Variants in CHMP4C observed in about 807,000 individuals in gnomAD.
CHMP4C encodes the protein SNF7 homolog associated with Alix 3.
CHMP4C carries 28 observed loss-of-function variants against 29.0 expected under a neutral mutation model. The observed-to-expected ratio is 0.97, with a 90% CI of 0.72 to 1.32. CHMP4C has a LOEUF of 1.32. CHMP4C is among the 40% of genes most tolerant of loss of function. The pLI, the probability that CHMP4C is intolerant of heterozygous loss-of-function variation, is 0.00. For synonymous variants in CHMP4C, 106 were observed against 102.4 expected (o/e 1.04, Z -0.21); for missense variants, 291 against 281.0 (o/e 1.04, Z -0.25).
At chr8:81,751,374 A>G (rs1011652555) in intron 1 of CHMP4C, among the ~76,000 whole-genome samples, 8 of 152,110 alleles carry the variant, frequency 5.3e-5, no homozygotes, top group Admixed American at 1.3e-4. Flanking sequence ...TGGAAAGTAT[A>G]ATAAAAAAAC....
In CHMP4C at chr8:81,754,834, T is replaced by A. The variant is rs75779818; in HGVS notation, c.369-536T>A. 2.8e-4 allele frequency among the ~76,000 whole-genome samples: 43 copies of A among 152,288 alleles called. No individual in the cohort carries two copies. In the East Asian group the frequency reaches 8.3e-3, roughly 29 times the overall value. On this transcript the variant is annotated intron_variant, in intron 2 of 4. Coordinates refer to ENST00000297265, the MANE Select transcript of CHMP4C (RefSeq NM_152284.4). ...CTGTATAGGTTTAATCCTGCTCTCTTTAGTAACCTCTCAGGGCATCACCGC... is the reference window on the plus strand; with the variant it reads ...CTGTATAGGTTTAATCCTGCTCTCTATAGTAACCTCTCAGGGCATCACCGC...
At chr8:81,748,086 T>C (rs955488049) in intron 1 of CHMP4C, among the ~76,000 whole-genome samples, 3 of 152,156 alleles carry the variant, frequency 2.0e-5, no homozygotes, top group Non-Finnish European at 4.4e-5. Context: ...TTCTCAGGGA[T>C]ATTCCATGCT....
chr8:81,736,052 C>G (rs1173267199), intron 1 of CHMP4C, among the ~76,000 whole-genome samples: 1 of 151,296 alleles, frequency 6.6e-6, no homozygotes, highest in Non-Finnish European at 1.5e-5. Flanking sequence ...CGCCATTGCA[C>G]TCCAGCCTGA....
intron 1 of CHMP4C, among the ~76,000 whole-genome samples, chr8:81,742,484 A>G (rs1049396874): frequency 4.6e-5 from 7 of 152,248 alleles, no homozygotes; most frequent in Admixed American, 1.3e-4. Context: ...ATGGAAATTT[A>G]GAGGAGTAAA....
At chr8:81,741,113 A>G (rs1253665169) in intron 1 of CHMP4C, among the ~76,000 whole-genome samples, 1 of 152,178 alleles carries the variant, frequency 6.6e-6, no homozygotes, top group Non-Finnish European at 1.5e-5. Context: ...GATTGTAGCA[A>G]CTTCTAGAAG....
chr8:81,732,842 G>A (rs1808636531), intron 1 of CHMP4C, 26 bp downstream of exon 1: 2 of 1,598,542 alleles, frequency 1.3e-6, no homozygotes, highest in Non-Finnish European at 1.7e-6. Flanking sequence ...GCCCACAGGC[G>A]GGAGCCCATC....
intron 1 of CHMP4C, among the ~76,000 whole-genome samples, chr8:81,752,451 C>A (rs139438527): frequency 6.6e-6 from 1 of 152,170 alleles, no homozygotes; most frequent in Non-Finnish European, 1.5e-5. Flanking sequence ...GCTCTTTTCT[C>A]TCACCATTGT....
chr8:81,746,424 G>C (rs1808823667), intron 1 of CHMP4C, among the ~76,000 whole-genome samples: 1 of 152,186 alleles, frequency 6.6e-6, no homozygotes, highest in African/African-American at 2.4e-5. Context: ...CAGATCACTG[G>C]GGTCTCCAGT....
At chr8:81,734,408 G>A (rs911184581) in intron 1 of CHMP4C, among the ~76,000 whole-genome samples, 7 of 152,164 alleles carry the variant, frequency 4.6e-5, no homozygotes, top group Non-Finnish European at 1.0e-4. Context: ...TTGGCTCACC[G>A]CAACCTCTGC....
At chr8:81,750,765 C>T (rs1808891408) in intron 1 of CHMP4C, among the ~76,000 whole-genome samples, 1 of 151,688 alleles carries the variant, frequency 6.6e-6, no homozygotes, top group Admixed American at 6.6e-5. Context: ...GACAGAAATA[C>T]AGAGGAGAAA....
At position 81,755,408 on chromosome 8, in the gene CHMP4C, C is replaced by A. The variant is rs1554593525; in HGVS notation, c.407C>A (p.Thr136Lys). The A allele has an allele frequency of 3.1e-6, 5 of 1,611,456 alleles. No homozygotes were observed. Among genetic ancestry groups the A allele is most frequent in the Non-Finnish European group, 4.2e-6 (5 of 1,178,220 alleles). Residue 136 changes from threonine (T) to lysine (K), a missense_variant, in exon 3 of 5, where the codon ACA becomes AAA. Physicochemically the swap from Thr to Lys is moderately conservative, Grantham distance 78 (BLOSUM62 -1). Coordinates refer to ENST00000297265, the MANE Select transcript of CHMP4C (RefSeq NM_152284.4). Reference sequence around the variant, plus strand: ...ATAGATGATTTGATGCAAGAGATCACAGAGCAACAGGATATCGCCCAAGAA... The same window carrying A: ...ATAGATGATTTGATGCAAGAGATCAAAGAGCAACAGGATATCGCCCAAGAA... Reference protein sequence around the residue: ...NKIDDLMQEITEQQDIAQEIS... With the variant: ...NKIDDLMQEIKEQQDIAQEIS...
chr8:81,755,912 A>G (rs1808966776), intron 3 of CHMP4C, among the ~76,000 whole-genome samples: 1 of 152,160 alleles, frequency 6.6e-6, no homozygotes, highest in African/African-American at 2.4e-5. Context: ...AAACCAAATA[A>G]ATGTGGAGTG....
At chr8:81,739,440 A>T (rs1006599892) in intron 1 of CHMP4C, among the ~76,000 whole-genome samples, 1 of 150,850 alleles carries the variant, frequency 6.6e-6, no homozygotes, top group Non-Finnish European at 1.5e-5. Context: ...GAAAAAAAAA[A>T]AGTCTTATCC....
At chr8:81,734,433 C>T (rs759365122) in intron 1 of CHMP4C, among the ~76,000 whole-genome samples, 12 of 152,180 alleles carry the variant, frequency 7.9e-5, no homozygotes, top group African/African-American at 2.2e-4. Flanking sequence ...CAGGTTCAAG[C>T]GATTCTCCTG....
chr8:81,754,570 G>A (rs968434677), intron 2 of CHMP4C, among the ~76,000 whole-genome samples: 2 of 152,068 alleles, frequency 1.3e-5, no homozygotes, highest in African/African-American at 4.8e-5. Context: ...AATAATGAGG[G>A]ACATTGTCAG....
intron 1 of CHMP4C, among the ~76,000 whole-genome samples, chr8:81,750,474 C>T (rs1433383429): frequency 6.6e-6 from 1 of 151,280 alleles, no homozygotes; most frequent in Non-Finnish European, 1.5e-5. Flanking sequence ...CGTACAGTGA[C>T]ATGTGCCTGT....
At chr8:81,748,646 G>A (rs150568897) in intron 1 of CHMP4C, among the ~76,000 whole-genome samples, 116 of 152,194 alleles carry the variant, frequency 7.6e-4, no homozygotes, top group African/African-American at 2.5e-3. Flanking sequence ...AATAAGATAT[G>A]CAAGCTTAGG....
chr8:81,746,655 C>T (rs1268422493), intron 1 of CHMP4C, among the ~76,000 whole-genome samples: 1 of 152,188 alleles, frequency 6.6e-6, no homozygotes, highest in East Asian at 1.9e-4. Context: ...GTTGGGCCAA[C>T]ATGTAGTGTG....
At chr8:81,734,887 A>G (rs1438322273) in intron 1 of CHMP4C, among the ~76,000 whole-genome samples, 1 of 151,434 alleles carries the variant, frequency 6.6e-6, no homozygotes, top group East Asian at 1.9e-4. Context: ...GCAAGTATGA[A>G]TGGCAAATAA....
Sources: allele counts gnomAD v4.1 joint callset (sites outside exome capture counted in the v4.1 genomes callset), GRCh38; gene constraint gnomAD v4.1.1; transcripts MANE v1.5; gene names NCBI Gene and HGNC (gene_info 2026-07-23, HGNC 2026-07-21).